SLC25A21: variants seen among roughly 807,000 people sequenced by gnomAD.
SLC25A21 encodes solute carrier family 25 member 21, also known as mitochondrial 2-oxodicarboxylate carrier.
In SLC25A21, 47 loss-of-function variants were observed where a neutral mutation model predicts 43.8. That is an observed-to-expected ratio of 1.07 (90% confidence interval 0.85 to 1.37). SLC25A21 has a LOEUF of 1.37. Among genes scored for constraint, SLC25A21 ranks in the 40% most tolerant of loss-of-function variants. SLC25A21 has a pLI of 0.00. For missense variants in SLC25A21, 352 were observed against 350.2 expected (o/e 1.00, Z -0.04); for synonymous variants, 131 against 121.3 (o/e 1.08, Z -0.52).
At chr14:36,891,023 G>A (rs1228603353) in intron 1 of SLC25A21, among the ~76,000 whole-genome samples, 1 of 152,136 alleles carries the variant, frequency 6.6e-6, no homozygotes, top group Non-Finnish European at 1.5e-5. Context: ...GTAATCGACA[G>A]TATTAAGTCC....
intron 1 of SLC25A21, among the ~76,000 whole-genome samples, chr14:36,988,749 G>A (rs1960200012): frequency 6.6e-6 from 1 of 152,158 alleles, no homozygotes; most frequent in Non-Finnish European, 1.5e-5. Flanking sequence ...CTGATTCATG[G>A]CCACAGTTTA....
intron 1 of SLC25A21, among the ~76,000 whole-genome samples, chr14:36,911,765 C>T (rs1000471865): frequency 2.6e-5 from 4 of 152,096 alleles, no homozygotes; most frequent in African/African-American, 9.7e-5. Context: ...AGGAGGATAA[C>T]CCACATGAGC....
rs112991533 is a variant in SLC25A21, at chr14:36,925,362, G to A, written c.71-50358C>T. 2.4e-3 allele frequency among the ~76,000 whole-genome samples: 371 copies of A among 152,182 alleles called. 4 individuals are homozygous for A. The highest frequency in any genetic ancestry group is 8.3e-3 in the African/African-American group (346 of 41,514). ...AGAAACCCACTTTCAGTATAAAAACGCAGATAGGCTAAAAGAACAAAAAAG... is the reference window on the plus strand; with the variant it reads ...AGAAACCCACTTTCAGTATAAAAACACAGATAGGCTAAAAGAACAAAAAAG... On this transcript the variant is annotated intron_variant, in intron 1 of 9. Transcript: ENST00000331299.
At chr14:37,004,796 G>C (rs1045854911) in intron 1 of SLC25A21, among the ~76,000 whole-genome samples, 1 of 147,402 alleles carries the variant, frequency 6.8e-6, no homozygotes, top group Non-Finnish European at 1.5e-5. Flanking sequence ...GGGCAGAGCC[G>C]AGACTCAAAC....
At chr14:36,692,457 T>C (rs150212166) in intron 7 of SLC25A21, among the ~76,000 whole-genome samples, 303 of 152,324 alleles carry the variant, frequency 2.0e-3, no homozygotes, top group African/African-American at 6.9e-3. Flanking sequence ...GCAATGGCAC[T>C]TGAGGAGATA....
intron 3 of SLC25A21, among the ~76,000 whole-genome samples, chr14:36,794,813 A>C (rs1887621349): frequency 1.3e-5 from 2 of 152,170 alleles, no homozygotes; most frequent in African/African-American, 4.8e-5. Flanking sequence ...TCTCCAAGGA[A>C]TAAAAATTAA....
In SLC25A21 at chr14:36,941,963, AG is replaced by A. The variant is rs573090595; in HGVS notation, c.71-66960del. On this transcript the variant is annotated intron_variant, in intron 1 of 9. Coordinates refer to ENST00000331299, the MANE Select transcript of SLC25A21 (RefSeq NM_030631.4). ...CATCAAATTACATGCACATCATCAG[AG>A]GAGAAATAATTGTATCAATGTAAAA... Among the ~76,000 whole-genome samples the A allele has an allele frequency of 3.7e-4, 57 of 152,226 alleles. 1 individual carries two copies. The South Asian group carries it at 0.012, about 31-fold the overall frequency.
intron 1 of SLC25A21, among the ~76,000 whole-genome samples, chr14:37,134,846 A>T (rs2138911124): frequency 6.6e-6 from 1 of 151,636 alleles, no homozygotes; most frequent in African/African-American, 2.4e-5. Context: ...TAATTCCAGC[A>T]CTTTGGGAAA....
intron 1 of SLC25A21, among the ~76,000 whole-genome samples, chr14:37,158,986 A>C (rs1412383463): frequency 2.0e-5 from 3 of 152,134 alleles, no homozygotes; most frequent in Non-Finnish European, 4.4e-5. Context: ...CATTTACTAT[A>C]GCTATAAAAC....
At chr14:36,922,221 G>T (rs544407314) in intron 1 of SLC25A21, among the ~76,000 whole-genome samples, 2 of 151,716 alleles carry the variant, frequency 1.3e-5, no homozygotes, top group East Asian at 1.9e-4. Flanking sequence ...AACTGAATTT[G>T]CCCTCCTTCC....
Position 36,680,085 on chromosome 14 carries a change from G to T in SLC25A21, c.*573C>A. On this transcript the variant is annotated 3_prime_UTR_variant, in exon 10 of 10. Transcript: ENST00000331299. ...GCATAGTTACTAAAAAAAACCAACA[G>T]ATTTACATTTTAACATAGTATTCAT... 1 of 881,378 alleles carries T rather than the reference G, an allele frequency of 1.1e-6. No homozygotes were observed. The highest frequency in any genetic ancestry group is 1.4e-6 in the Non-Finnish European group (1 of 736,152). 54.6% of individuals were successfully genotyped at this position (881,378 alleles called of 1,614,324 possible).
At chr14:36,858,333 A>G (rs1195354348) in intron 2 of SLC25A21, among the ~76,000 whole-genome samples, 1 of 152,140 alleles carries the variant, frequency 6.6e-6, no homozygotes, top group Non-Finnish European at 1.5e-5. Context: ...GAGTTGAGAG[A>G]AAGAGATAAA....
intron 7 of SLC25A21, among the ~76,000 whole-genome samples, chr14:36,705,746 T>A (rs1176333269): frequency 6.6e-6 from 1 of 152,026 alleles, no homozygotes; most frequent in Non-Finnish European, 1.5e-5. Flanking sequence ...TAAAGAAAAA[T>A]CTAGAATTAT....
intron 1 of SLC25A21, among the ~76,000 whole-genome samples, chr14:36,997,803 AG>A (rs1960404725): frequency 7.0e-6 from 1 of 142,098 alleles, no homozygotes; most frequent in African/African-American, 2.5e-5. Flanking sequence ...CTCAGTGACA[AG>A]GTGAGACTCT....
chr14:36,749,453 C>T (rs1303679418), intron 3 of SLC25A21, among the ~76,000 whole-genome samples: 3 of 152,120 alleles, frequency 2.0e-5, no homozygotes, highest in South Asian at 2.1e-4. Flanking sequence ...GGTTTGCCTA[C>T]AGTCTCTTCT....
chr14:37,091,369 G>C (rs1962582471), intron 1 of SLC25A21, among the ~76,000 whole-genome samples: 3 of 151,722 alleles, frequency 2.0e-5, no homozygotes, highest in Admixed American at 2.0e-4. Context: ...GAGAGGCAAA[G>C]CTTGAAGTGA....
At chr14:36,959,421 G>C in intron 1 of SLC25A21, among the ~76,000 whole-genome samples, 1 of 152,124 alleles carries the variant, frequency 6.6e-6, no homozygotes, top group East Asian at 1.9e-4. Context: ...CTGACTGCAG[G>C]TGGAGGAGGT....
intron 1 of SLC25A21, among the ~76,000 whole-genome samples, chr14:37,095,537 A>C (rs902423209): frequency 2.2e-4 from 33 of 152,242 alleles, no homozygotes; most frequent in African/African-American, 7.9e-4. Flanking sequence ...ACAAACAAAT[A>C]AATAAATAAC....
intron 1 of SLC25A21, among the ~76,000 whole-genome samples, chr14:37,095,839 C>T (rs1594790490): frequency 3.4e-5 from 2 of 59,150 alleles, no homozygotes; most frequent in South Asian, 2.0e-3. Flanking sequence ...CACACACACA[C>T]ACACAAAAAA....
Sources: allele counts gnomAD v4.1 joint callset (sites outside exome capture counted in the v4.1 genomes callset), GRCh38; gene constraint gnomAD v4.1.1; transcripts MANE v1.5; gene names NCBI Gene and HGNC (gene_info 2026-07-23, HGNC 2026-07-21).